Variants in TXK observed in about 807,000 individuals in gnomAD.
TXK encodes TXK tyrosine kinase.
A neutral mutation model predicts 81.0 loss-of-function variants in TXK; 60 were observed. The observed-to-expected ratio is 0.74, with a 90% CI of 0.60 to 0.92. The LOEUF (loss-of-function observed/expected upper bound fraction) is 0.92. Among genes scored for constraint, TXK ranks in the 40% least tolerant of loss-of-function variants. The pLI is 0.00. For missense variants in TXK, 581 were observed against 638.3 expected, an observed-to-expected ratio of 0.91 and a Z score of 0.97; for synonymous variants, 203 against 210.7, an observed-to-expected ratio of 0.96 and a Z score of 0.32.
intron 4 of TXK, among the ~76,000 whole-genome samples, chr4:48,111,986 T>C (rs1286681609): frequency 1.3e-5 from 2 of 152,212 alleles, no homozygotes; most frequent in Non-Finnish European, 2.9e-5. Context: ...AATTCCCAAA[T>C]GAAAGCACAA....
At chr4:48,116,886 T>C (rs1718828156) in intron 1 of TXK, among the ~76,000 whole-genome samples, 1 of 152,010 alleles carries the variant, frequency 6.6e-6, no homozygotes, top group African/African-American at 2.4e-5. Context: ...CATCCATTTT[T>C]TGTTTCTTTT....
At position 48,086,508 on chromosome 4, in the gene TXK, G is replaced by C; in HGVS notation, c.914C>G (p.Ser305Cys). The C allele has an allele frequency of 1.9e-6, 3 of 1,613,994 alleles. 1 individual carries two copies. Among genetic ancestry groups the C allele is most frequent in the South Asian group, 2.2e-5 (2 of 91,068 alleles). ...QVAIKAINEG[S>C]MSEEDFIEEA... Reference sequence around the variant, plus strand: ...TTCAATGAAATCCTCTTCAGACATGGAGCCTTCATTGATGGCCTTGATAGC... The same window carrying C: ...TTCAATGAAATCCTCTTCAGACATGCAGCCTTCATTGATGGCCTTGATAGC... Residue 305 changes from serine (S) to cysteine (C), a missense_variant, in exon 10 of 15, where the codon TCC (serine) becomes TGC (cysteine). Transcript: ENST00000264316.
intron 14 of TXK, among the ~76,000 whole-genome samples, chr4:48,068,309 G>A (rs1157796569): frequency 6.6e-6 from 1 of 152,150 alleles, no homozygotes; most frequent in African/African-American, 2.4e-5. Flanking sequence ...GCTGGGAGAA[G>A]GGGCATCTAG....
chr4:48,107,149 A>T (rs1056139574), intron 5 of TXK, among the ~76,000 whole-genome samples: 1 of 151,132 alleles, frequency 6.6e-6, no homozygotes, highest in Non-Finnish European at 1.5e-5. Context: ...TTGTTTAAGG[A>T]TATCTAGTAT....
chr4:48,089,921 GACAA>G (rs1717694847), intron 8 of TXK, 97 bp from the exon 9 acceptor site: 6 of 837,822 alleles, frequency 7.2e-6, no homozygotes, highest in Non-Finnish European at 9.1e-6. Flanking sequence ...TAAATAATTA[GACAA>G]ACAAAATTCA....
chr4:48,071,373 A>T, intron 14 of TXK, 144 bp downstream of exon 14: 4 of 762,712 alleles, frequency 5.2e-6, no homozygotes, highest in Non-Finnish European at 8.5e-6. Flanking sequence ...AGTTTGAGAT[A>T]GTACTTCAGA....
chr4:48,114,208 T>A (rs1560359777), intron 2 of TXK, 140 bp downstream of exon 2: 2 of 758,582 alleles, frequency 2.6e-6, no homozygotes, highest in East Asian at 5.4e-5. Context: ...TGTAAACAAA[T>A]AGGCATTCCA....
Position 48,134,148 on chromosome 4 carries a change from T to C in TXK, c.16+7A>G. On this transcript the variant is annotated splice_region_variant and intron_variant, in intron 1 of 14. Transcript: ENST00000264316. ...CAAAAATAAATGACAAAGCCCATCTTACTCACAGGAGGAAAGGATCATGGT... is the reference window on the plus strand; with the variant it reads ...CAAAAATAAATGACAAAGCCCATCTCACTCACAGGAGGAAAGGATCATGGT... The C allele has an allele frequency of 6.2e-7, 1 of 1,613,282 alleles. No homozygotes were observed. The highest frequency in any genetic ancestry group is 1.3e-5 in the African/African-American group (1 of 75,012).
At position 48,104,217 on chromosome 4, in the gene TXK, T is replaced by TATTATATATA. The variant is rs1718310877; in HGVS notation, c.501+683_501+684insTATATATAAT. 2.4e-5 allele frequency among the ~76,000 whole-genome samples: 2 copies of TATTATATATA among 83,968 alleles called. 1 individual carries two copies. Among genetic ancestry groups the TATTATATATA allele is most frequent in the African/African-American group, 1.2e-4 (2 of 17,092 alleles). 55.1% of individuals were successfully genotyped at this position (83,968 alleles called of 152,430 possible). On this transcript the variant is annotated intron_variant, in intron 6 of 14. Coordinates refer to ENST00000264316, the MANE Select transcript of TXK (RefSeq NM_003328.3). ...GAGCATGTCTCAAAATATATATATA[T>TATTATATATA]ATATTATATATTATATTATATATAA...
chr4:48,093,394 G>A lies in TXK; in HGVS notation c.709+683C>T, dbSNP rs534553023. Reference sequence around the variant, plus strand: ...CGTGGATTCTGAATTCTGCAATGCTGAGATAAGAAGATTCCCCATGGGCTC... The same window carrying A: ...CGTGGATTCTGAATTCTGCAATGCTAAGATAAGAAGATTCCCCATGGGCTC... On this transcript the variant is annotated intron_variant, in intron 8 of 14. Transcript: ENST00000264316. Among the ~76,000 whole-genome samples, 32 of 152,362 alleles carry A rather than the reference G, an allele frequency of 2.1e-4. No individual in the cohort carries two copies. In the South Asian group the frequency reaches 6.0e-3, roughly 29 times the overall value.
At chr4:48,088,648 A>G (rs956122635) in intron 9 of TXK, among the ~76,000 whole-genome samples, 2 of 152,248 alleles carry the variant, frequency 1.3e-5, no homozygotes, top group Non-Finnish European at 2.9e-5. Context: ...TGAGTTGTAC[A>G]CTATTCTATT....
intron 1 of TXK, among the ~76,000 whole-genome samples, chr4:48,126,523 T>C (rs1291678172): frequency 3.3e-5 from 5 of 152,140 alleles, no homozygotes; most frequent in Admixed American, 2.6e-4. Context: ...TTGTTTGAGA[T>C]GGAGTCTTGC....
At chr4:48,105,957 A>G (rs1177919716) in intron 5 of TXK, 2 of 152,244 alleles carry the variant, frequency 1.3e-5, no homozygotes, top group Admixed American at 1.3e-4. Flanking sequence ...AGCTAAACAT[A>G]CAGTTTGATA....
chr4:48,115,032 TC>T (rs1933925438), intron 1 of TXK, among the ~76,000 whole-genome samples: 1 of 117,546 alleles, frequency 8.5e-6, no homozygotes, highest in Non-Finnish European at 1.7e-5. Context: ...TTTCTTTCTT[TC>T]TTTTTTTTTT....
chr4:48,132,882 G>A (rs566579930), intron 1 of TXK, among the ~76,000 whole-genome samples: 45 of 152,050 alleles, frequency 3.0e-4, no homozygotes, highest in African/African-American at 1.0e-3. Context: ...GGAGGTGGAG[G>A]TTGCAGTGAG....
In TXK at chr4:48,095,132, C is replaced by A. The variant is rs776184784; in HGVS notation, c.581+11G>T. 1.2e-6 allele frequency: 2 copies of A among 1,602,282 alleles called. No individual in the cohort carries two copies. Among genetic ancestry groups the A allele is most frequent in the Non-Finnish European group, 1.7e-6 (2 of 1,169,488 alleles). The stretch of plus-strand genomic sequence containing the variant: ...ATTATTTCTATAGTAACCAAAATCA[C>A]AAGTGCTTACCTTCTAGCTCCCATA... On this transcript the variant is annotated intron_variant, in intron 7 of 14. Coordinates refer to ENST00000264316, the MANE Select transcript of TXK (RefSeq NM_003328.3).
At chr4:48,113,449 A>G in intron 2 of TXK, 140 bp from the exon 3 acceptor site, 1 of 582,128 alleles carries the variant, frequency 1.7e-6, no homozygotes, top group Non-Finnish European at 3.0e-6. Flanking sequence ...TCCTAACTCC[A>G]TCTCCCTGGG....
At chr4:48,089,343 CG>C (rs1717661064) in intron 9 of TXK, 1 of 154,142 alleles carries the variant, frequency 6.5e-6, no homozygotes, top group Admixed American at 6.4e-5. Context: ...ATAGACATTT[CG>C]GAAGTGCTGA....
intron 1 of TXK, among the ~76,000 whole-genome samples, chr4:48,128,856 C>T (rs1174351794): frequency 1.3e-5 from 2 of 151,958 alleles, no homozygotes; most frequent in Non-Finnish European, 2.9e-5. Flanking sequence ...CGTGAGCCAC[C>T]GCGCCCAGCC....
Sources: allele counts gnomAD v4.1 joint callset (sites outside exome capture counted in the v4.1 genomes callset), GRCh38; gene constraint gnomAD v4.1.1; transcripts MANE v1.5; gene names NCBI Gene and HGNC (gene_info 2026-07-23, HGNC 2026-07-21).